SPTBN1: variants seen among roughly 807,000 people sequenced by gnomAD.
The protein encoded by SPTBN1 is spectrin beta chain, non-erythrocytic 1.
Under a neutral mutation model 266.4 loss-of-function variants are expected in SPTBN1, and 32 were observed. That is an observed-to-expected ratio of 0.12 (90% CI 0.09 to 0.16). The LOEUF (loss-of-function observed/expected upper bound fraction) is 0.16, where lower values mean the gene tolerates loss of function less well. Among genes scored for constraint, SPTBN1 ranks in the 10% least tolerant of loss-of-function variants. The pLI is 1.00. For synonymous variants in SPTBN1, 1,336 were observed against 1,162.2 expected (o/e 1.15, Z -3.04); for missense variants, 2,296 against 3,067.1 (o/e 0.75, Z 5.94).
Position 54,626,595 on chromosome 2 carries a change from C to T in SPTBN1, c.1644+361C>T, listed in dbSNP as rs577228064. ...GAGTGGTACTACTTTGGGCAGGGGT[C>T]CCGGAGAGGTGGTATGGGGAGAAGG... On this transcript the variant is annotated intron_variant, in intron 12 of 35. Transcript: ENST00000356805. The surrounding 1 kb of genome is among the most constrained non-coding windows in gnomAD (Gnocchi z 4.7). Among the ~76,000 whole-genome samples the T allele has an allele frequency of 6.6e-6, 1 of 152,152 alleles. No homozygotes were observed. The highest frequency in any genetic ancestry group is 1.9e-4 in the East Asian group (1 of 5,180).
chr2:54,665,942 A>G lies in SPTBN1; in HGVS notation c.6687A>G (p.Ile2229Met). The change falls in exon 34 of 36, where the codon ATA becomes ATG. Residue 2229 changes from isoleucine to methionine, a missense_variant. Physicochemically the swap from Ile to Met is conservative, Grantham distance 10. Around this residue, in one of 12 missense-constraint regions of SPTBN1, gnomAD observed 347 missense variants for 368.5 expected, o/e 0.94. Coordinates refer to ENST00000356805, the MANE Select transcript of SPTBN1 (RefSeq NM_003128.3). ...CCTGGCACAATGTTTATTGTGTCAT[A>G]AATAACCAAGAAATGGGTTTCTACA... ...SRSWHNVYCV[I>M]NNQEMGFYKD... 6.2e-6 allele frequency: 10 copies of G among 1,614,036 alleles called. No homozygotes were observed. The highest frequency in any genetic ancestry group is 8.5e-6 in the Non-Finnish European group (10 of 1,179,992).
At chr2:54,597,174 A>C (rs148929556) in intron 2 of SPTBN1, among the ~76,000 whole-genome samples, 1 of 152,362 alleles carries the variant, frequency 6.6e-6, no homozygotes, top group East Asian at 1.9e-4. Flanking sequence ...CCCTAAATAC[A>C]TATAAACTAT....
rs1681602407 is a variant in SPTBN1, at chr2:54,669,442, A to C, written c.*873A>C. 6.6e-6 allele frequency: 1 copy of C among 152,622 alleles called. No individual in the cohort carries two copies. The highest frequency in any genetic ancestry group is 6.5e-5 in the Admixed American group (1 of 15,278). The allele number at this position is 152,622 out of a possible 1,614,324, so 9.5% of individuals were successfully genotyped here. On this transcript the variant is annotated 3_prime_UTR_variant, in exon 36 of 36. Transcript: ENST00000356805. The stretch of plus-strand genomic sequence containing the variant: ...GCCACACTGTGTTATAATTTGCTTC[A>C]TTTCCTTGCTATTTGATACATAGTG...
Position 54,645,836 on chromosome 2 carries a change from C to T in SPTBN1, c.4495-92C>T. 1 of 1,396,458 alleles carries T rather than the reference C, an allele frequency of 7.2e-7. No individual in the cohort carries two copies. The highest frequency in any genetic ancestry group is 1.0e-6 in the Non-Finnish European group (1 of 995,108). 86.5% of individuals were successfully genotyped at this position (1,396,458 alleles called of 1,614,324 possible). On this transcript the variant is annotated intron_variant, in intron 21 of 35. Transcript: ENST00000356805. The surrounding 1 kb of genome is among the most constrained non-coding windows in gnomAD (Gnocchi z 4.3). ...GGGCTGAGCACTCTCTGAAGCTCACCCTTGCTGTCCCTCACTGCCCCTCAC... is the reference window on the plus strand; with the variant it reads ...GGGCTGAGCACTCTCTGAAGCTCACTCTTGCTGTCCCTCACTGCCCCTCAC...
intron 1 of SPTBN1, among the ~76,000 whole-genome samples, chr2:54,474,559 G>A (rs1573222846): frequency 6.6e-6 from 1 of 151,866 alleles, no homozygotes; most frequent in African/African-American, 2.4e-5. Flanking sequence ...ACTAGTGCCT[G>A]GAAATATGTA....
intron 2 of SPTBN1, 133 bp from the exon 3 acceptor site, chr2:54,598,959 C>G: frequency 1.2e-6 from 1 of 859,548 alleles, no homozygotes; most frequent in South Asian, 1.7e-5. Context: ...AGTTAAGGGG[C>G]GCTAAGTAGA....
chr2:54,541,793 C>T (rs1671956630), intron 2 of SPTBN1, among the ~76,000 whole-genome samples: 1 of 152,102 alleles, frequency 6.6e-6, no homozygotes, highest in African/African-American at 2.4e-5. Context: ...CAATATAGTA[C>T]ACATAAAGGT....
At chr2:54,583,044 C>T (rs1178415672) in intron 2 of SPTBN1, among the ~76,000 whole-genome samples, 1 of 152,090 alleles carries the variant, frequency 6.6e-6, no homozygotes, top group East Asian at 1.9e-4. Context: ...AATTTAATTC[C>T]TCCGTCATCT....
At chr2:54,466,548 C>T (rs1693641420) in intron 1 of SPTBN1, among the ~76,000 whole-genome samples, 1 of 16,792 alleles carries the variant, frequency 6.0e-5, no homozygotes, top group South Asian at 1.6e-3. Flanking sequence ...GGCGACAGAG[C>T]GAGACTCCGT....
Position 54,649,580 on chromosome 2 carries a change from G to A in SPTBN1, c.5203-35G>A. ...GATCAAGAAATACAGAGTTCACAGT[G>A]GGCTCTCTGATTTCCTTACCCATCC... On this transcript the variant is annotated intron_variant, in intron 25 of 35. Coordinates refer to ENST00000356805, the MANE Select transcript of SPTBN1 (RefSeq NM_003128.3). This position sits in a 1 kb window ranked among gnomAD's most constrained non-coding sequence, Gnocchi z 6.7. 6.3e-7 allele frequency: 1 copy of A among 1,595,512 alleles called. No individual in the cohort carries two copies. The highest frequency in any genetic ancestry group is 8.6e-7 in the Non-Finnish European group (1 of 1,166,962).
intron 2 of SPTBN1, among the ~76,000 whole-genome samples, chr2:54,576,287 C>T (rs1320666408): frequency 6.6e-6 from 1 of 152,052 alleles, no homozygotes. Flanking sequence ...CTCCTAACCT[C>T]AGGTGATCCA....
intron 16 of SPTBN1, 129 bp downstream of exon 16, chr2:54,631,740 T>C: frequency 8.3e-7 from 1 of 1,210,940 alleles, no homozygotes; most frequent in Non-Finnish European, 1.1e-6. Flanking sequence ...TAGAGACTGA[T>C]TTTTTTTTCC....
chr2:54,501,562 A>G (rs1444132724), intron 1 of SPTBN1, among the ~76,000 whole-genome samples: 3 of 152,232 alleles, frequency 2.0e-5, no homozygotes, highest in African/African-American at 4.8e-5. Flanking sequence ...CTGGCTGGAC[A>G]GCCAGGTGTA....
chr2:54,661,913 C>G, intron 32 of SPTBN1: 1 of 985,308 alleles, frequency 1.0e-6, no homozygotes, highest in Non-Finnish European at 1.2e-6. Flanking sequence ...TTAAATGTAG[C>G]TTGTCATAAC....
intron 24 of SPTBN1, among the ~76,000 whole-genome samples, chr2:54,647,669 A>G (rs918105894): frequency 6.6e-6 from 1 of 152,100 alleles, no homozygotes. Flanking sequence ...GCGAAACCTC[A>G]TCTCTACAAA....
chr2:54,645,047 C>T lies in SPTBN1; in HGVS notation c.4270-182C>T, dbSNP rs575170755. On this transcript the variant is annotated intron_variant, in intron 20 of 35. Coordinates refer to ENST00000356805, the MANE Select transcript of SPTBN1 (RefSeq NM_003128.3). The surrounding 1 kb of genome is among the most constrained non-coding windows in gnomAD (Gnocchi z 4.3). ...GGGCTTTAAGGGCAAATGAATTTAC[C>T]TCAGATTTACTTGAAAACAGTTCCA... The T allele has an allele frequency of 1.6e-6, 1 of 617,496 alleles. No homozygotes were observed. Among genetic ancestry groups the T allele is most frequent in the African/African-American group, 1.8e-5 (1 of 54,144 alleles). The allele number at this position is 617,496 out of a possible 1,614,324, so 38.3% of individuals were successfully genotyped here. A position where few individuals can be genotyped will look rare whatever the true frequency, so the allele number is the denominator to read the frequency against.
chr2:54,588,856 G>GT (rs747069013), intron 2 of SPTBN1, among the ~76,000 whole-genome samples: 5 of 151,956 alleles, frequency 3.3e-5, no homozygotes, highest in East Asian at 1.9e-4. Flanking sequence ...TCCTAATTCT[G>GT]TTTTTTTACA....
chr2:54,621,198 A>G (rs1162383065), intron 7 of SPTBN1, among the ~76,000 whole-genome samples: 7 of 152,308 alleles, frequency 4.6e-5, no homozygotes, highest in Middle Eastern at 3.4e-3. Context: ...CGTTTCATGA[A>G]TATTCACATA....
At chr2:54,621,336 C>A in intron 7 of SPTBN1, 64 bp from the exon 8 acceptor site, 3 of 1,245,440 alleles carry the variant, frequency 2.4e-6, no homozygotes, top group Admixed American at 1.8e-5. Flanking sequence ...TGCATTTGTT[C>A]CTGCTACCTG....
Sources: gnomAD v4.1 joint callset for allele counts (sites outside exome capture counted in the v4.1 genomes callset) on GRCh38, gnomAD v4.1.1 for gene constraint, gnomAD v4.1.1 regional missense constraint, Gnocchi (gnomAD v3.1) non-coding constraint, MANE v1.5 for transcripts, NCBI Gene and HGNC (gene_info 2026-07-23, HGNC 2026-07-21) for gene names.